HHIPL2: variants seen among roughly 807,000 people sequenced by gnomAD.
The protein encoded by HHIPL2 is HHIP like 2.
HHIPL2 carries 61 observed loss-of-function variants against 61.0 expected under a neutral mutation model. The ratio of observed to expected loss-of-function variants is 1.00; its 90% CI spans 0.81 to 1.24. The LOEUF (loss-of-function observed/expected upper bound fraction) is 1.24. Ranked by LOEUF, HHIPL2 falls within the 50% of genes most tolerant of loss-of-function variation. The probability of loss-of-function intolerance (pLI) is 0.00; values close to 1 mark genes in which losing one functional copy is unlikely to be tolerated. For synonymous variants in HHIPL2, 343 were observed against 357.4 expected (o/e 0.96, Z 0.45); for missense variants, 885 against 910.2 (o/e 0.97, Z 0.36).
chr1:222,537,491 C>T (rs1221489419), intron 5 of HHIPL2, among the ~76,000 whole-genome samples: 3 of 151,362 alleles, frequency 2.0e-5, no homozygotes, highest in South Asian at 2.1e-4. Context: ...ATTAGCTGGG[C>T]GTGGTGGCAG....
chr1:222,536,917 T>A (rs1292926366), intron 5 of HHIPL2, among the ~76,000 whole-genome samples: 1 of 151,912 alleles, frequency 6.6e-6, no homozygotes, highest in Non-Finnish European at 1.5e-5. Flanking sequence ...ATTAGCTGGG[T>A]GCCACAAGCT....
intron 5 of HHIPL2, among the ~76,000 whole-genome samples, chr1:222,537,581 G>A (rs1344558445): frequency 1.3e-5 from 2 of 149,966 alleles, no homozygotes; most frequent in African/African-American, 2.5e-5. Context: ...GCAGTGAGCC[G>A]AGATCGCACC....
In HHIPL2 at chr1:222,531,985, G is replaced by C; in HGVS notation, c.1704C>G (p.Ser568=). ...LISTHSKFII[S]FAEDEAGELY... is the part of the protein sequence containing the mutation. ...TGTTACCTGCTTCATCTTCAGCAAAGGAGATGATGAACTTGCTATGGGTGC... is the reference window on the plus strand; with the variant it reads ...TGTTACCTGCTTCATCTTCAGCAAACGAGATGATGAACTTGCTATGGGTGC... Residue 568 remains serine (S), a synonymous_variant, in exon 6 of 9, where the codon TCC becomes TCG. Transcript: ENST00000343410. The C allele has an allele frequency of 6.2e-7, 1 of 1,607,474 alleles. No individual in the cohort carries two copies. Among genetic ancestry groups the C allele is most frequent in the Non-Finnish European group, 8.5e-7 (1 of 1,174,956 alleles).
chr1:222,526,705 CAAAA>C (rs1187186640), intron 7 of HHIPL2, among the ~76,000 whole-genome samples: 4 of 54,282 alleles, frequency 7.4e-5, no homozygotes, highest in South Asian at 1.7e-3. Flanking sequence ...AACTCCATCT[CAAAA>C]AAAAAAAAAA....
At chr1:222,533,929 C>G (rs1299407083) in intron 5 of HHIPL2, among the ~76,000 whole-genome samples, 1 of 152,090 alleles carries the variant, frequency 6.6e-6, no homozygotes, top group African/African-American at 2.4e-5. Context: ...CAAAAGGTTC[C>G]CCTGAAGTAA....
chr1:222,530,353 C>T (rs1659161861), intron 6 of HHIPL2, among the ~76,000 whole-genome samples: 1 of 152,040 alleles, frequency 6.6e-6, no homozygotes, highest in Non-Finnish European at 1.5e-5. Context: ...CAGGGGTGTC[C>T]GGCAGAGGAG....
chr1:222,545,243 A>T (rs1360302168), intron 1 of HHIPL2, among the ~76,000 whole-genome samples: 4 of 151,916 alleles, frequency 2.6e-5, no homozygotes, highest in East Asian at 1.9e-4. Context: ...ATCACTAAGG[A>T]CTCTCCTGAG....
intron 1 of HHIPL2, among the ~76,000 whole-genome samples, chr1:222,547,018 C>A (rs1015050331): frequency 4.0e-4 from 61 of 152,340 alleles, no homozygotes; most frequent in African/African-American, 1.4e-3. Flanking sequence ...CCCCATTAAC[C>A]CCCAAACACC....
chr1:222,540,082 C>T lies in HHIPL2; in HGVS notation c.1378G>A (p.Gly460Arg), dbSNP rs776112843. 5.0e-6 allele frequency: 8 copies of T among 1,614,136 alleles called. No individual in the cohort carries two copies. Among genetic ancestry groups the T allele is most frequent in the Admixed American group, 3.3e-5 (2 of 60,018 alleles). ...TCCTTTGCTCTCCAGCCATAGTTTC[C>T]ACCTTTCAAAATGAGGTCAACCTCT... ...FEEVDLILKG[G>R]NYGWRAKEGF... is the part of the protein sequence containing the mutation. The change falls in exon 4 of 9, where the codon GGA (glycine) becomes AGA (arginine). Residue 460 changes from glycine to arginine, a missense_variant. Physicochemically the swap from Gly to Arg is moderately radical, Grantham distance 125. Transcript: ENST00000343410.
chr1:222,544,284 G>A, intron 1 of HHIPL2, 95 bp from the exon 2 acceptor site: 1 of 1,369,936 alleles, frequency 7.3e-7, no homozygotes, highest in East Asian at 2.3e-5. Flanking sequence ...AATGGTGCTA[G>A]GCGGAAAAAA....
intron 5 of HHIPL2, among the ~76,000 whole-genome samples, chr1:222,535,150 G>A (rs534638724): frequency 1.3e-5 from 2 of 152,164 alleles, no homozygotes; most frequent in South Asian, 4.1e-4. Flanking sequence ...TCATTGGAAT[G>A]GTGCAAGCCA....
chr1:222,540,135 C>A lies in HHIPL2; in HGVS notation c.1325G>T (p.Cys442Phe). 1 of 1,614,294 alleles carries A rather than the reference C, an allele frequency of 6.2e-7. No homozygotes were observed. Among genetic ancestry groups the A allele is most frequent in the Non-Finnish European group, 8.5e-7 (1 of 1,180,050 alleles). The change falls in exon 4 of 9, where the codon TGT becomes TTT. Residue 442 changes from cysteine to phenylalanine, a missense_variant. By Grantham distance (205) the Cys-to-Phe change is radical. Transcript: ENST00000343410. ...AAACCTGTTCTGGCCCACGTCCCCACAGAATATCCGGCCTCGGCCCTGGCG... is the reference window on the plus strand; with the variant it reads ...AAACCTGTTCTGGCCCACGTCCCCAAAGAATATCCGGCCTCGGCCCTGGCG... ...ITRQGRGRIF[C>F]GDVGQNRFEE...
chr1:222,535,648 G>A (rs990593996), intron 5 of HHIPL2, among the ~76,000 whole-genome samples: 9 of 152,050 alleles, frequency 5.9e-5, no homozygotes, highest in Admixed American at 5.2e-4. Context: ...CCCACATCAC[G>A]TCACCTTTTC....
In HHIPL2 at chr1:222,543,990, A is replaced by G; in HGVS notation, c.521T>C (p.Leu174Pro). 6.2e-7 allele frequency: 1 copy of G among 1,614,202 alleles called. No homozygotes were observed. The highest frequency in any genetic ancestry group is 2.2e-5 in the East Asian group (1 of 44,886). The change falls in exon 2 of 9, where the codon CTT (leucine) becomes CCT (proline). Residue 174 changes from leucine (L) to proline (P), a missense_variant. Leu to Pro is a moderately conservative substitution (Grantham distance 98). Coordinates refer to ENST00000343410, the MANE Select transcript of HHIPL2 (RefSeq NM_024746.4). Reference sequence around the variant, plus strand: ...AGGGAAGCAATAGTCCTTGTCAGGAAGGTCCAGGAGGTGGCAGAAGCGGGT... The same window carrying G: ...AGGGAAGCAATAGTCCTTGTCAGGAGGGTCCAGGAGGTGGCAGAAGCGGGT... ...DGTRFCHLLD[L>P]PDKDYCFPNV... is the part of the protein sequence containing the mutation.
At position 222,523,687 on chromosome 1, in the gene HHIPL2, G is replaced by A. The variant is rs1449024412; in HGVS notation, c.1813C>T (p.Pro605Ser). 2 of 1,614,016 alleles carry A rather than the reference G, an allele frequency of 1.2e-6. No individual in the cohort carries two copies. Among genetic ancestry groups the A allele is most frequent in the Non-Finnish European group, 1.7e-6 (2 of 1,180,022 alleles). The change falls in exon 8 of 9, where the codon CCC becomes TCC. Residue 605 changes from proline to serine, a missense_variant. Physicochemically the swap from Pro to Ser is moderately conservative, Grantham distance 74. Transcript: ENST00000343410. Reference protein sequence around the residue: ...YKFVDPSRRAPPGKCKYKPVP... With the variant: ...YKFVDPSRRASPGKCKYKPVP... ...GGCTTGTATTTGCACTTGCCTGGGG[G>A]TGCTCGCCTAAAAACACAAACAGAA...
chr1:222,535,353 A>T (rs1376581162), intron 5 of HHIPL2, among the ~76,000 whole-genome samples: 1 of 152,260 alleles, frequency 6.6e-6, no homozygotes, highest in African/African-American at 2.4e-5. Context: ...ATGATATCAG[A>T]TAGAAACATG....
intron 4 of HHIPL2, chr1:222,539,020 T>A: frequency 4.3e-6 from 2 of 465,090 alleles, no homozygotes; most frequent in Non-Finnish European, 7.6e-6. Context: ...TCCCTCCATC[T>A]ATGAGGCAGT....
At chr1:222,523,770 G>A (rs955869832) in intron 7 of HHIPL2, 76 bp from the exon 8 acceptor site, 17 of 1,395,062 alleles carry the variant, frequency 1.2e-5, no homozygotes, top group East Asian at 1.1e-4. Context: ...ACCAGAGGGC[G>A]TATATTTGCA....
chr1:222,540,232 G>T lies in HHIPL2; in HGVS notation c.1228C>A (p.His410Asn), dbSNP rs757898491. 2 of 1,614,142 alleles carry T rather than the reference G, an allele frequency of 1.2e-6. No individual in the cohort carries two copies. The highest frequency in any genetic ancestry group is 1.7e-5 in the Admixed American group (1 of 60,012). The change falls in exon 4 of 9, where the codon CAC becomes AAC. Residue 410 changes from histidine (H) to asparagine (N), a missense_variant. By Grantham distance (68) the His-to-Asn change is moderately conservative. Coordinates refer to ENST00000343410, the MANE Select transcript of HHIPL2 (RefSeq NM_024746.4). Reference sequence around the variant, plus strand: ...ATCCCATAGGCATAGATGGCGGGGTGGGCCCCTGGCTCAGAAACAAATGGA... The same window carrying T: ...ATCCCATAGGCATAGATGGCGGGGTTGGCCCCTGGCTCAGAAACAAATGGA... ...DNPFVSEPGA[H>N]PAIYAYGIRN...
Sources: allele counts gnomAD v4.1 joint callset (sites outside exome capture counted in the v4.1 genomes callset), GRCh38; gene constraint gnomAD v4.1.1; transcripts MANE v1.5; gene names NCBI Gene and HGNC (gene_info 2026-07-23, HGNC 2026-07-21).